CCDC18: variants seen among roughly 807,000 people sequenced by gnomAD.
CCDC18 encodes coiled-coil domain containing 18.
Under a neutral mutation model 196.0 loss-of-function variants are expected in CCDC18, and 157 were observed. The observed-to-expected ratio is 0.80, with a 90% CI of 0.70 to 0.91. The LOEUF (loss-of-function observed/expected upper bound fraction) is 0.91. CCDC18 is among the 40% of genes least tolerant of loss of function. The pLI is 0.00. For synonymous variants in CCDC18, 482 were observed against 529.2 expected (o/e 0.91, Z 1.22); for missense variants, 1,465 against 1,611.6 (o/e 0.91, Z 1.56).
chr1:93,211,384 C>T (rs1356803164), intron 10 of CCDC18, among the ~76,000 whole-genome samples: 1 of 151,614 alleles, frequency 6.6e-6, no homozygotes, highest in African/African-American at 2.4e-5. Context: ...ATTGAATCTT[C>T]TTAACCAGGA....
In CCDC18 at chr1:93,239,707, A is replaced by C. The variant is rs1660513397; in HGVS notation, c.2792A>C (p.His931Pro). The C allele has an allele frequency of 6.2e-7, 1 of 1,613,186 alleles. No individual in the cohort carries two copies. The highest frequency in any genetic ancestry group is 1.3e-5 in the African/African-American group (1 of 75,034). The change falls in exon 21 of 29, where the codon CAC (histidine) becomes CCC (proline). Residue 931 changes from histidine (H) to proline (P), a missense_variant. His to Pro is a moderately conservative substitution (Grantham distance 77). Transcript: ENST00000690025. Reference protein sequence around the residue: ...NAVKELEKLQHSTETELTEAL... With the variant: ...NAVKELEKLQPSTETELTEAL... ...GTAAAGGAGTTAGAAAAGTTACAGC[A>C]CAGTACTGAAACTGAACTAACAGAA...
intron 19 of CCDC18, among the ~76,000 whole-genome samples, chr1:93,237,882 A>G (rs1660270234): frequency 6.6e-6 from 1 of 152,170 alleles, no homozygotes; most frequent in Non-Finnish European, 1.5e-5. Context: ...CATGGAATTT[A>G]TCTTGTGCTG....
Position 93,193,598 on chromosome 1 carries a change from G to T in CCDC18, c.570-18G>T. ...AATCTCTTTAGTAGTCTTAAACAAA[G>T]TATCCTTTATTTTATAGAGAGGCAG... On this transcript the variant is annotated intron_variant, in intron 5 of 28. Transcript: ENST00000690025. The T allele has an allele frequency of 6.5e-7, 1 of 1,537,198 alleles. No individual in the cohort carries two copies. Among genetic ancestry groups the T allele is most frequent in the Non-Finnish European group, 8.8e-7 (1 of 1,139,696 alleles).
At chr1:93,186,295 C>T in intron 3 of CCDC18, 50 bp from the exon 4 acceptor site, 1 of 1,509,340 alleles carries the variant, frequency 6.6e-7, no homozygotes, top group Non-Finnish European at 9.1e-7. Flanking sequence ...TTACATGTAA[C>T]CCTTAATTGA....
At chr1:93,225,792 AT>A (rs1331219514) in intron 16 of CCDC18, among the ~76,000 whole-genome samples, 5 of 151,120 alleles carry the variant, frequency 3.3e-5, no homozygotes, top group Middle Eastern at 3.4e-3. Flanking sequence ...AAAAAAAAAA[AT>A]CTCACTTAAG....
At position 93,236,332 on chromosome 1, in the gene CCDC18, G is replaced by T; in HGVS notation, c.2545G>T (p.Ala849Ser). 1 of 1,579,820 alleles carries T rather than the reference G, an allele frequency of 6.3e-7. No homozygotes were observed. Among genetic ancestry groups the T allele is most frequent in the Non-Finnish European group, 8.6e-7 (1 of 1,169,098 alleles). ...LRKMEEKCES[A>S]AHEADLKRQK... is the part of the protein sequence containing the mutation. ...AAAAATGGAGGAGAAATGTGAATCA[G>T]CTGCACATGAAGCAGATTTGAAAAG... The change falls in exon 19 of 29, where the codon GCT becomes TCT. Residue 849 changes from alanine to serine, a missense_variant. By Grantham distance (99) the Ala-to-Ser change is moderately conservative (BLOSUM62 1). Coordinates refer to ENST00000690025, the MANE Select transcript of CCDC18 (RefSeq NM_001378204.1).
intron 7 of CCDC18, among the ~76,000 whole-genome samples, chr1:93,203,275 G>A (rs1654137658): frequency 6.6e-6 from 1 of 152,176 alleles, no homozygotes; most frequent in Non-Finnish European, 1.5e-5. Flanking sequence ...ACTGCTGGAT[G>A]ATTGCATCAT....
Position 93,221,601 on chromosome 1 carries a change from A to G in CCDC18, c.1963-8A>G. The G allele has an allele frequency of 6.7e-7, 1 of 1,486,768 alleles. No individual in the cohort carries two copies. Among genetic ancestry groups the G allele is most frequent in the Non-Finnish European group, 8.9e-7 (1 of 1,122,956 alleles). The allele number at this position is 1,486,768 out of a possible 1,614,324, so 92.1% of individuals were successfully genotyped here. Reference sequence around the variant, plus strand: ...TATTTAATATGAAAATTCTGTTTTCATGTTTAGCTTGAAGCTCAACTAGAG... The same window carrying G: ...TATTTAATATGAAAATTCTGTTTTCGTGTTTAGCTTGAAGCTCAACTAGAG... On this transcript the variant is annotated splice_polypyrimidine_tract_variant and splice_region_variant and intron_variant, in intron 14 of 28. Transcript: ENST00000690025.
chr1:93,246,093 G>T lies in CCDC18; in HGVS notation c.2982-12G>T. The T allele has an allele frequency of 6.4e-7, 1 of 1,553,188 alleles. No individual in the cohort carries two copies. The highest frequency in any genetic ancestry group is 8.7e-7 in the Non-Finnish European group (1 of 1,144,604). ...CTATCTGCTTTGATCTTTTTCCTTT[G>T]ATAAATTGTAGAGAATGCAAGATGG... On this transcript the variant is annotated splice_polypyrimidine_tract_variant and intron_variant, in intron 21 of 28. Coordinates refer to ENST00000690025, the MANE Select transcript of CCDC18 (RefSeq NM_001378204.1).
At position 93,210,919 on chromosome 1, in the gene CCDC18, G is replaced by A; in HGVS notation, c.1327G>A (p.Glu443Lys). 1 of 1,613,516 alleles carries A rather than the reference G, an allele frequency of 6.2e-7. No individual in the cohort carries two copies. Among genetic ancestry groups the A allele is most frequent in the Non-Finnish European group, 8.5e-7 (1 of 1,179,726 alleles). ...CCEANKLVISELRIKLAIKEA... is the reference protein window; with the variant it reads ...CCEANKLVISKLRIKLAIKEA... The stretch of plus-strand genomic sequence containing the variant: ...TGAGGCAAATAAATTGGTGATTTCG[G>A]AATTGAGGTACAATTTTCAGATTCT... Residue 443 changes from glutamate (E) to lysine (K), a missense_variant, in exon 10 of 29, where the codon GAA (glutamate) becomes AAA (lysine). Coordinates refer to ENST00000690025, the MANE Select transcript of CCDC18 (RefSeq NM_001378204.1).
At chr1:93,274,651 C>T (rs1665530646) in intron 28 of CCDC18, among the ~76,000 whole-genome samples, 1 of 151,840 alleles carries the variant, frequency 6.6e-6, no homozygotes, top group Non-Finnish European at 1.5e-5. Flanking sequence ...CAAGGACAGC[C>T]TGGGCAACAT....
chr1:93,228,829 G>A (rs964023563), intron 17 of CCDC18, among the ~76,000 whole-genome samples: 4 of 152,196 alleles, frequency 2.6e-5, no homozygotes, highest in African/African-American at 9.7e-5. Flanking sequence ...TTTGTAACAG[G>A]AGAATCTGTT....
intron 14 of CCDC18, among the ~76,000 whole-genome samples, chr1:93,218,656 C>T (rs556823761): frequency 2.6e-5 from 4 of 152,096 alleles, no homozygotes; most frequent in Admixed American, 6.5e-5. Flanking sequence ...ATTACAGGTG[C>T]GCGCCACCAA....
intron 8 of CCDC18, among the ~76,000 whole-genome samples, chr1:93,206,579 C>T (rs1361329875): frequency 6.6e-6 from 1 of 152,004 alleles, no homozygotes; most frequent in African/African-American, 2.4e-5. Context: ...TAAGTTTTTC[C>T]TCACAGTATC....
chr1:93,254,507 G>A lies in CCDC18; in HGVS notation c.3235G>A (p.Glu1079Lys). 6.3e-7 allele frequency: 1 copy of A among 1,599,982 alleles called. No homozygotes were observed. The highest frequency in any genetic ancestry group is 8.5e-7 in the Non-Finnish European group (1 of 1,171,220). Residue 1079 changes from glutamate to lysine, a missense_variant, in exon 24 of 29, where the codon GAA (glutamate) becomes AAA (lysine). By Grantham distance (56) the Glu-to-Lys change is moderately conservative. Transcript: ENST00000690025. ...SLNDKLQNAKEQLREKEFIML... is the reference protein window; with the variant it reads ...SLNDKLQNAKKQLREKEFIML... ...GAATGACAAATTACAAAATGCTAAA[G>A]AACAGCTTCGAGAAAAAGAGTTTAT...
At chr1:93,236,655 T>C (rs1660107230) in intron 19 of CCDC18, among the ~76,000 whole-genome samples, 1 of 152,216 alleles carries the variant, frequency 6.6e-6, no homozygotes, top group Admixed American at 6.5e-5. Context: ...ACACAACAAC[T>C]GGCACAGTTC....
intron 27 of CCDC18, among the ~76,000 whole-genome samples, chr1:93,268,880 G>A (rs1308705346): frequency 6.6e-6 from 1 of 152,002 alleles, no homozygotes; most frequent in Non-Finnish European, 1.5e-5. Flanking sequence ...ATTCCTCAAG[G>A]ATCTAGAACT....
chr1:93,221,207 C>G (rs1390598532), intron 14 of CCDC18, among the ~76,000 whole-genome samples: 1 of 152,202 alleles, frequency 6.6e-6, no homozygotes, highest in Non-Finnish European at 1.5e-5. Context: ...AAATGCCACA[C>G]TGCCTTCCAC....
chr1:93,246,622 A>T (rs556636930), intron 22 of CCDC18, among the ~76,000 whole-genome samples: 1 of 152,276 alleles, frequency 6.6e-6, no homozygotes, highest in East Asian at 1.9e-4. Flanking sequence ...AAAAAAATGC[A>T]TATGGGGCTC....
Sources: allele counts gnomAD v4.1 joint callset (sites outside exome capture counted in the v4.1 genomes callset), GRCh38; gene constraint gnomAD v4.1.1; transcripts MANE v1.5; gene names NCBI Gene and HGNC (gene_info 2026-07-23, HGNC 2026-07-21).